The following WDR89 variants were observed in gnomAD, a reference collection of about 807,000 sequenced individuals.
The protein encoded by WDR89 is WD repeat domain 89.
Under a neutral mutation model 29.1 loss-of-function variants are expected in WDR89, and 17 were observed. That is an observed-to-expected ratio of 0.58 (90% CI 0.40 to 0.88). WDR89 has a LOEUF of 0.88. WDR89 is among the 40% of genes least tolerant of loss of function. The pLI, the probability that WDR89 is intolerant of heterozygous loss-of-function variation, is 0.00. For missense variants in WDR89, 396 were observed against 456.3 expected, an observed-to-expected ratio of 0.87 and a Z score of 1.20; for synonymous variants, 138 against 157.8, an observed-to-expected ratio of 0.87 and a Z score of 0.94.
At chr14:63,637,001 T>C (rs1488419692) in intron 1 of WDR89, among the ~76,000 whole-genome samples, 1 of 152,064 alleles carries the variant, frequency 6.6e-6, no homozygotes, top group East Asian at 1.9e-4. Context: ...GAGAAAATCT[T>C]CACAATCTAT....
Position 63,599,190 on chromosome 14 carries a change from AGT to A in WDR89, c.751_752del (p.Thr251Ter). 6.2e-7 allele frequency: 1 copy of A among 1,609,160 alleles called. No homozygotes were observed. The highest frequency in any genetic ancestry group is 8.5e-7 in the Non-Finnish European group (1 of 1,176,704). On this transcript the variant is annotated frameshift_variant, in exon 3 of 3. Coordinates refer to ENST00000620954, the MANE Select transcript of WDR89 (RefSeq NM_080666.4). LOFTEE classifies it high-confidence loss of function. ...FYWWDLNHLD[T>X]DEPVTRLNIQ... ...TGTTCAAACGTGTAACTGGTTCATC[AGT>A]GTCCAGATGATTAAGATCCCACCAA...
intron 2 of WDR89, among the ~76,000 whole-genome samples, chr14:63,600,643 C>G (rs1031467079): frequency 7.2e-6 from 1 of 139,592 alleles, no homozygotes; most frequent in Non-Finnish European, 1.5e-5. Context: ...TGGCAAGGAT[C>G]TCCACTTTGG....
chr14:63,608,666 G>GCACACA (rs57605983), intron 2 of WDR89, among the ~76,000 whole-genome samples: 1,791 of 144,728 alleles, frequency 0.012, 33 homozygotes, highest in African/African-American at 0.038. Flanking sequence ...TGTGGTGCAT[G>GCACACA]CACACACACA....
At chr14:63,635,018 A>G (rs1355637419) in intron 1 of WDR89, among the ~76,000 whole-genome samples, 3 of 152,098 alleles carry the variant, frequency 2.0e-5, no homozygotes, top group Non-Finnish European at 4.4e-5. Flanking sequence ...TCTCCAAAAA[A>G]AAAAAAAATG....
intron 2 of WDR89, chr14:63,601,524 T>G (rs1895062169): frequency 6.6e-7 from 1 of 1,517,218 alleles, no homozygotes; most frequent in African/African-American, 1.4e-5. Context: ...AGGACAAGCG[T>G]TTAAGTTTCT....
intron 2 of WDR89, among the ~76,000 whole-genome samples, chr14:63,603,015 C>G (rs1019530404): frequency 2.0e-5 from 3 of 152,094 alleles, no homozygotes; most frequent in Admixed American, 6.6e-5. Context: ...CTCGGCCTCC[C>G]AAAGTGCTGG....
At chr14:63,624,126 AT>A (rs1168803775) in intron 2 of WDR89, among the ~76,000 whole-genome samples, 3 of 152,140 alleles carry the variant, frequency 2.0e-5, no homozygotes, top group Admixed American at 6.6e-5. Flanking sequence ...ACAAAAGAAA[AT>A]TTTGACTTAA....
intron 2 of WDR89, among the ~76,000 whole-genome samples, chr14:63,610,673 A>ATT (rs1174116132): frequency 1.3e-5 from 2 of 148,158 alleles, no homozygotes; most frequent in Non-Finnish European, 3.0e-5. Flanking sequence ...AACTAACCCA[A>ATT]TTTGAGGAAT....
rs551931142 is a variant in WDR89 at position 63,605,181 on chromosome 14, T to C, written c.-31-5208A>G. On this transcript the variant is annotated intron_variant, in intron 2 of 2. Transcript: ENST00000620954. ...CTCTCTCTCTCTATATATATATATA[T>C]ACACACACACACACATATATACATA... Among the ~76,000 whole-genome samples, 445 of 131,582 alleles carry C rather than the reference T, an allele frequency of 3.4e-3. 4 individuals are homozygous for C. The highest frequency in any genetic ancestry group is 0.015 in the Middle Eastern group (4 of 270). The allele number at this position is 131,582 out of a possible 152,430, so 86.3% of individuals were successfully genotyped here.
In WDR89 at chr14:63,601,847, A is replaced by G; in HGVS notation, c.-31-1874T>C. On this transcript the variant is annotated intron_variant, in intron 2 of 2. Transcript: ENST00000620954. ...CACTATTGAAATGGCATCAACATGA[A>G]GCTGCCCATTCCACCGAAGTTCTGA... The G allele has an allele frequency of 2.5e-6, 2 of 786,094 alleles. 1 individual carries two copies. Among genetic ancestry groups the G allele is most frequent in the South Asian group, 3.1e-5 (2 of 65,184 alleles). The allele number at this position is 786,094 out of a possible 1,614,324, so 48.7% of individuals were successfully genotyped here.
chr14:63,627,493 T>C (rs1269434391), intron 1 of WDR89, among the ~76,000 whole-genome samples: 4 of 152,206 alleles, frequency 2.6e-5, no homozygotes, highest in African/African-American at 9.7e-5. Context: ...TCTATAGGTT[T>C]TGACAAATAC....
At position 63,597,229 on chromosome 14, in the gene WDR89, C is replaced by G. The variant is rs1348091972; in HGVS notation, c.*1550G>C. 1 of 152,152 alleles carries G rather than the reference C, an allele frequency of 6.6e-6. No individual in the cohort carries two copies. The highest frequency in any genetic ancestry group is 1.9e-4 in the East Asian group (1 of 5,194). The allele number at this position is 152,152 out of a possible 1,614,324, so 9.4% of individuals were successfully genotyped here. A position where few individuals can be genotyped will look rare whatever the true frequency, so the allele number is the denominator to read the frequency against. On this transcript the variant is annotated 3_prime_UTR_variant, in exon 3 of 3. Coordinates refer to ENST00000620954, the MANE Select transcript of WDR89 (RefSeq NM_080666.4). ...CCATCAGATCTTGTGAGAACTCACCCACTATCAGGAGAACATCGTAGGGGA... is the reference window on the plus strand; with the variant it reads ...CCATCAGATCTTGTGAGAACTCACCGACTATCAGGAGAACATCGTAGGGGA...
intron 1 of WDR89, among the ~76,000 whole-genome samples, chr14:63,635,568 A>T (rs1566802304): frequency 6.6e-6 from 1 of 152,250 alleles, no homozygotes; most frequent in Non-Finnish European, 1.5e-5. Context: ...GAACTGGAAC[A>T]AGACAAGGAT....
chr14:63,609,515 G>A (rs1273734791), intron 2 of WDR89, among the ~76,000 whole-genome samples: 1 of 152,176 alleles, frequency 6.6e-6, no homozygotes, highest in African/African-American at 2.4e-5. Context: ...ATGGCCGGGC[G>A]TGGTAGTTCA....
intron 1 of WDR89, among the ~76,000 whole-genome samples, chr14:63,631,472 C>T (rs983273358): frequency 6.6e-6 from 1 of 151,966 alleles, no homozygotes; most frequent in African/African-American, 2.4e-5. Flanking sequence ...CTCAAGCAAT[C>T]GTGCCACCTC....
intron 2 of WDR89, among the ~76,000 whole-genome samples, chr14:63,618,882 C>G (rs1182282571): frequency 1.3e-5 from 2 of 152,020 alleles, no homozygotes; most frequent in East Asian, 1.9e-4. Flanking sequence ...CAATAGCAAC[C>G]CTCGGGGAAA....
chr14:63,611,995 T>C (rs893112867), intron 2 of WDR89, among the ~76,000 whole-genome samples: 2 of 152,124 alleles, frequency 1.3e-5, no homozygotes, highest in African/African-American at 4.8e-5. Context: ...CCCAAAGTGC[T>C]GGGATTACAG....
intron 1 of WDR89, among the ~76,000 whole-genome samples, chr14:63,628,007 G>A (rs1434453016): frequency 1.3e-5 from 2 of 152,076 alleles, no homozygotes; most frequent in Admixed American, 1.3e-4. Context: ...AGGCTGAAGT[G>A]GGAGGCTCCC....
At chr14:63,640,708 C>T (rs1884055193) in intron 1 of WDR89, among the ~76,000 whole-genome samples, 1 of 151,126 alleles carries the variant, frequency 6.6e-6, no homozygotes, top group Non-Finnish European at 1.5e-5. Flanking sequence ...GAACTCCTGA[C>T]CTCGTGATCC....
Sources: gnomAD v4.1 joint callset for allele counts (sites outside exome capture counted in the v4.1 genomes callset) on GRCh38, gnomAD v4.1.1 for gene constraint, MANE v1.5 for transcripts, NCBI Gene and HGNC (gene_info 2026-07-23, HGNC 2026-07-21) for gene names.